OTOG: variants seen among roughly 807,000 people sequenced by gnomAD.
The protein encoded by OTOG is otogelin.
Under a neutral mutation model 313.8 loss-of-function variants are expected in OTOG, and 296 were observed. The observed-to-expected ratio is 0.94, with a 90% confidence interval of 0.86 to 1.04. The LOEUF is 1.04. Among genes scored for constraint, OTOG ranks in the 50% least tolerant of loss-of-function variants. The probability of loss-of-function intolerance (pLI) is 0.00; values close to 1 mark genes in which losing one functional copy is unlikely to be tolerated. For synonymous variants in OTOG, 1,533 were observed against 1,554.9 expected, an observed-to-expected ratio of 0.99 and a Z score of 0.33; for missense variants, 3,948 against 3,840.1, an observed-to-expected ratio of 1.03 and a Z score of -0.74.
At chr11:17,607,744 C>T (rs1243702222) in intron 33 of OTOG, among the ~76,000 whole-genome samples, 2 of 152,226 alleles carry the variant, frequency 1.3e-5, no homozygotes, top group Admixed American at 6.5e-5. Flanking sequence ...TGCAAGCTCT[C>T]TGGGGCTAGG....
chr11:17,612,534 A>T (rs1853587056), intron 37 of OTOG, 86 bp from the exon 38 acceptor site: 17 of 1,453,990 alleles, frequency 1.2e-5, no homozygotes, highest in Non-Finnish European at 1.4e-5. Flanking sequence ...ATCCAGGAAA[A>T]GGGCCAGGAA....
chr11:17,645,094 ATCCCAT>A (rs1242548312), intron 54 of OTOG, among the ~76,000 whole-genome samples: 1 of 152,222 alleles, frequency 6.6e-6, no homozygotes, highest in Non-Finnish European at 1.5e-5. Flanking sequence ...CAAACAAAGC[ATCCCAT>A]TAGAATGAAG....
At chr11:17,563,165 G>C (rs1230554548) in intron 15 of OTOG, among the ~76,000 whole-genome samples, 1 of 152,216 alleles carries the variant, frequency 6.6e-6, no homozygotes, top group Admixed American at 6.5e-5. Flanking sequence ...GGGGTAGATG[G>C]GGGTTTGTTT....
intron 4 of OTOG, among the ~76,000 whole-genome samples, chr11:17,552,615 T>TGTGTCTCCCCCCCGTC (rs1454853324): frequency 6.6e-6 from 1 of 150,930 alleles, no homozygotes; most frequent in Non-Finnish European, 1.5e-5. Flanking sequence ...CCACCTGTCC[T>TGTGTCTCCCCCCCGTC]CTCACATCAT....
chr11:17,597,128 T>C lies in OTOG; in HGVS notation c.3682+121T>C. 5 of 1,264,466 alleles carry C rather than the reference T, an allele frequency of 4.0e-6. No homozygotes were observed. In the South Asian group the frequency reaches 6.3e-5, roughly 16 times the overall value. The allele number at this position is 1,264,466 out of a possible 1,614,324, so 78.3% of individuals were successfully genotyped here. On this transcript the variant is annotated intron_variant, in intron 30 of 55. Transcript: ENST00000399397. ...TACTTAGAATGTACCAAGCACCAAC[T>C]GCTTTGGGCGTGTTATTCATTGAAT...
rs935172733 is a variant in OTOG at position 17,610,961 on chromosome 11, C to A, written c.5661C>A (p.Val1887=). The A allele has an allele frequency of 6.4e-7, 1 of 1,550,604 alleles. No individual in the cohort carries two copies. Among genetic ancestry groups the A allele is most frequent in the East Asian group, 2.4e-5 (1 of 40,918 alleles). The change falls in exon 36 of 56, where the codon GTC becomes GTA. Residue 1887 remains valine, a synonymous_variant. Coordinates refer to ENST00000399397, the MANE Select transcript of OTOG (RefSeq NM_001292063.2). ...GAGCCACATTGCCAACCTCTGGAGT[C>A]CTGCCTGTGGCTGAGGGCACGGCCT... The part of the protein sequence containing the change: ...LLGATLPTSG[V]LPVAEGTASM...
rs1181949972 is a variant in OTOG at position 17,645,749 on chromosome 11, C to T, written c.8547C>T (p.Asn2849=). The change falls in exon 56 of 56, where the codon AAC becomes AAT. Residue 2849 remains asparagine, a synonymous_variant. Transcript: ENST00000399397. ...CACTGGCCTGCCCGTTCCAGGTGAA[C>T]CTAGTGTCCTGCGATGGGAGGTGCC... The part of the protein sequence containing the change: ...KNECRSSTPV[N]LVSCDGRCPS... 3.9e-5 allele frequency: 60 copies of T among 1,550,806 alleles called. No homozygotes were observed. Among genetic ancestry groups the T allele is most frequent in the Non-Finnish European group, 4.7e-5 (54 of 1,147,068 alleles).
intron 35 of OTOG, 97 bp from the exon 36 acceptor site, chr11:17,609,558 G>A: frequency 8.9e-7 from 1 of 1,122,448 alleles, no homozygotes; most frequent in Non-Finnish European, 1.2e-6. Flanking sequence ...ATCACCGAGA[G>A]TGCCAGTCCT....
intron 23 of OTOG, among the ~76,000 whole-genome samples, chr11:17,584,355 G>A (rs943161543): frequency 6.6e-6 from 1 of 152,182 alleles, no homozygotes; most frequent in African/African-American, 2.4e-5. Flanking sequence ...AGTGATGGAA[G>A]TAAAAATCAT....
Position 17,593,652 on chromosome 11 carries a change from T to C in OTOG, c.3184T>C (p.Trp1062Arg), listed in dbSNP as rs920974911. 1 of 1,549,124 alleles carries C rather than the reference T, an allele frequency of 6.5e-7. No homozygotes were observed. ...FLDDKQEVHT[W>R]RVGFFTLVHF... is the part of the protein sequence containing the mutation. ...GGATGACAAGCAGGAGGTCCACACATGGCGAGTGGGATTTTTCACACTGGT... is the reference window on the plus strand; with the variant it reads ...GGATGACAAGCAGGAGGTCCACACACGGCGAGTGGGATTTTTCACACTGGT... Residue 1062 changes from tryptophan to arginine, a missense_variant, in exon 27 of 56, where the codon TGG (tryptophan) becomes CGG (arginine). Transcript: ENST00000399397.
chr11:17,570,357 G>A lies in OTOG; in HGVS notation c.1922G>A (p.Gly641Asp). The A allele has an allele frequency of 1.3e-6, 2 of 1,550,562 alleles. No individual in the cohort carries two copies. Among genetic ancestry groups the A allele is most frequent in the Non-Finnish European group, 1.7e-6 (2 of 1,146,976 alleles). The change falls in exon 17 of 56, where the codon GGC becomes GAC. Residue 641 changes from glycine (G) to aspartate (D), a missense_variant. Physicochemically the swap from Gly to Asp is moderately conservative, Grantham distance 94 (BLOSUM62 -1). Transcript: ENST00000399397. Reference protein sequence around the residue: ...RWVEDTVGLCGTFNGNTQDDF... With the variant: ...RWVEDTVGLCDTFNGNTQDDF... ...GTGGAGGATACCGTGGGCCTCTGCG[G>A]CACCTTCAATGGCAACACGCAGGAT...
Position 17,645,945 on chromosome 11 carries a change from G to C in OTOG, c.*1G>C. The C allele has an allele frequency of 2.6e-6, 4 of 1,548,654 alleles. No homozygotes were observed. The highest frequency in any genetic ancestry group is 3.5e-6 in the Non-Finnish European group (4 of 1,146,982). ...CGACTGTGCCTGCCAGTGGTCCTGA[G>C]GCCTGGGGGCCCGGGCTAGCTGGAC... On this transcript the variant is annotated 3_prime_UTR_variant, in exon 56 of 56. Coordinates refer to ENST00000399397, the MANE Select transcript of OTOG (RefSeq NM_001292063.2).
chr11:17,643,013 G>A (rs1848006000), intron 53 of OTOG, among the ~76,000 whole-genome samples: 1 of 152,168 alleles, frequency 6.6e-6, no homozygotes, highest in South Asian at 2.1e-4. Context: ...AGAGGAGGAG[G>A]GTTTTAACGG....
intron 47 of OTOG, among the ~76,000 whole-genome samples, chr11:17,637,228 CTT>C (rs1235670163): frequency 6.6e-6 from 1 of 151,616 alleles, no homozygotes; most frequent in South Asian, 2.1e-4. Context: ...TGGACATACT[CTT>C]TTTTTTTAAA....
chr11:17,548,109 C>G (rs947192877), intron 2 of OTOG, 43 bp from the exon 3 acceptor site: 1 of 1,529,794 alleles, frequency 6.5e-7, no homozygotes, highest in African/African-American at 1.4e-5. Context: ...GAGGCATAAC[C>G]CATCCTAGCC....
chr11:17,616,889 G>A (rs1292901742), intron 39 of OTOG, among the ~76,000 whole-genome samples: 2 of 152,200 alleles, frequency 1.3e-5, no homozygotes, highest in African/African-American at 2.4e-5. Context: ...GACCTCTAGT[G>A]TGATGCTGAA....
Position 17,557,447 on chromosome 11 carries a change from A to G in OTOG, c.865+124A>G, listed in dbSNP as rs376203807. The stretch of plus-strand genomic sequence containing the variant: ...TCGTGGTCATGGTATTAAAGACCCA[A>G]TGGAAGGCCAAGGACCCCTTCCTAA... On this transcript the variant is annotated intron_variant, in intron 8 of 55. Transcript: ENST00000399397. The G allele has an allele frequency of 2.1e-5, 19 of 922,828 alleles. No homozygotes were observed. The South Asian group carries it at 2.4e-4, about 12-fold the overall frequency. 57.2% of individuals were successfully genotyped at this position (922,828 alleles called of 1,614,324 possible).
chr11:17,572,275 A>G, intron 18 of OTOG, 71 bp downstream of exon 18: 1 of 1,526,334 alleles, frequency 6.6e-7, no homozygotes, highest in Non-Finnish European at 8.8e-7. Context: ...AGAGATGAAA[A>G]GGGAACTCCG....
At chr11:17,569,354 C>T (rs182023634) in intron 16 of OTOG, 66 bp downstream of exon 16, 258 of 1,537,362 alleles carry the variant, frequency 1.7e-4, no homozygotes, top group Middle Eastern at 5.1e-4. Context: ...TTCCCAGGAT[C>T]CTCTGGCTAA....
Sources: gnomAD v4.1 joint callset for allele counts (sites outside exome capture counted in the v4.1 genomes callset) on GRCh38, gnomAD v4.1.1 for gene constraint, MANE v1.5 for transcripts, NCBI Gene and HGNC (gene_info 2026-07-23, HGNC 2026-07-21) for gene names.